The following RBM17 variants were observed in gnomAD, a reference collection of about 807,000 sequenced individuals.
RBM17 encodes RNA binding motif protein 17, also known as splicing factor 45.
In RBM17, 7 loss-of-function variants were observed where a neutral mutation model predicts 53.2. That is an observed-to-expected ratio of 0.13 (90% confidence interval 0.07 to 0.25). The LOEUF is 0.25. Among genes scored for constraint, RBM17 ranks in the 10% least tolerant of loss-of-function variants. RBM17 has a pLI of 1.00. For missense variants in RBM17, 257 were observed against 496.7 expected (o/e 0.52, Z 4.59); for synonymous variants, 167 against 178.1 (o/e 0.94, Z 0.50).
intron 10 of RBM17, 148 bp from the exon 11 acceptor site, chr10:6,115,091 A>C: frequency 1.5e-6 from 1 of 673,518 alleles, no homozygotes; most frequent in Non-Finnish European, 2.5e-6. Flanking sequence ...ATGATGAACA[A>C]ATTATACTTA....
intron 2 of RBM17, among the ~76,000 whole-genome samples, chr10:6,100,211 T>C (rs1189003992): frequency 2.0e-5 from 3 of 152,252 alleles, no homozygotes; most frequent in African/African-American, 7.2e-5. Flanking sequence ...TTTGTGCCTT[T>C]TATAGTGGTA....
chr10:6,093,946 A>G (rs1840528492), intron 1 of RBM17, among the ~76,000 whole-genome samples: 1 of 150,432 alleles, frequency 6.6e-6, no homozygotes, highest in Admixed American at 6.6e-5. Context: ...ACTGTGACCC[A>G]TCACATGAAG....
chr10:6,115,782 CTTT>C lies in RBM17; in HGVS notation c.*230_*232del, dbSNP rs983990178. ...TCTGTGTGCCTCTCTGGTTGTTTCT[CTTT>C]TTTATTATTACTCCTGAGTTGATGA... On this transcript the variant is annotated 3_prime_UTR_variant, in exon 12 of 12. Transcript: ENST00000379888. 5 of 341,820 alleles carry C rather than the reference CTTT, an allele frequency of 1.5e-5. No homozygotes were observed. Among genetic ancestry groups the C allele is most frequent in the African/African-American group, 6.6e-5 (3 of 45,424 alleles). 21.2% of individuals were successfully genotyped at this position (341,820 alleles called of 1,614,324 possible). A position where few individuals can be genotyped will look rare whatever the true frequency, so the allele number is the denominator to read the frequency against.
chr10:6,115,414 T>TAA (rs1256334687), intron 11 of RBM17, 39 bp from the exon 12 acceptor site: 2 of 1,539,336 alleles, frequency 1.3e-6, no homozygotes, highest in African/African-American at 2.7e-5. Flanking sequence ...CTTTATCTTA[T>TAA]AGGATACCTG....
chr10:6,104,900 G>C, intron 3 of RBM17, 31 bp from the exon 4 acceptor site: 1 of 1,599,050 alleles, frequency 6.3e-7, no homozygotes. Flanking sequence ...GATATAAAGA[G>C]GATTCTTACT....
At chr10:6,096,857 A>G (rs1840584564) in intron 1 of RBM17, 191 bp from the exon 2 acceptor site, 1 of 370,930 alleles carries the variant, frequency 2.7e-6, no homozygotes, top group Non-Finnish European at 4.9e-6. Flanking sequence ...TTAGAGGCTT[A>G]TTTTAAAAAT....
At chr10:6,107,476 C>T (rs1032256203) in intron 5 of RBM17, among the ~76,000 whole-genome samples, 6 of 38,724 alleles carry the variant, frequency 1.5e-4, no homozygotes, top group Admixed American at 2.9e-4. Flanking sequence ...CTGCACCCGG[C>T]CTCTTTTTTT....
rs1315280061 is a variant in RBM17, at chr10:6,116,793, T to A, written c.*1237T>A. On this transcript the variant is annotated 3_prime_UTR_variant, in exon 12 of 12. Transcript: ENST00000379888. ...TGACCCTTTTTAAAAAAGGATTTTC[T>A]CATGTTTTTATTTAACATAAATAAA... The A allele has an allele frequency of 6.6e-6, 1 of 152,396 alleles. No homozygotes were observed. Among genetic ancestry groups the A allele is most frequent in the Non-Finnish European group, 1.5e-5 (1 of 68,042 alleles). 9.4% of individuals were successfully genotyped at this position (152,396 alleles called of 1,614,324 possible). A position where few individuals can be genotyped will look rare whatever the true frequency, so the allele number is the denominator to read the frequency against.
At chr10:6,108,638 G>T in intron 5 of RBM17, 48 bp from the exon 6 acceptor site, 2 of 1,496,150 alleles carry the variant, frequency 1.3e-6, no homozygotes, top group East Asian at 4.5e-5. Context: ...TCGTTTGGGA[G>T]TCTGGCATCG....
At chr10:6,114,223 C>A in intron 10 of RBM17, 76 bp downstream of exon 10, 1 of 831,944 alleles carries the variant, frequency 1.2e-6, no homozygotes, top group Non-Finnish European at 2.0e-6. Context: ...ACAAACAGGA[C>A]AGGGTATGCT....
At chr10:6,111,589 C>T (rs1840838287) in intron 7 of RBM17, among the ~76,000 whole-genome samples, 1 of 152,224 alleles carries the variant, frequency 6.6e-6, no homozygotes, top group Admixed American at 6.5e-5. Flanking sequence ...ATCCACCCGC[C>T]TCGGCTTCCC....
At chr10:6,100,174 T>TTA (rs1176206791) in intron 2 of RBM17, among the ~76,000 whole-genome samples, 1 of 152,256 alleles carries the variant, frequency 6.6e-6, no homozygotes, top group Non-Finnish European at 1.5e-5. Context: ...ATAAGTATTG[T>TTA]TATATTCAAG....
At chr10:6,113,395 G>A in intron 8 of RBM17, 113 bp from the exon 9 acceptor site, 2 of 717,158 alleles carry the variant, frequency 2.8e-6, no homozygotes, top group Non-Finnish European at 4.8e-6. Context: ...CATAAATGGT[G>A]GGGATCGCTA....
At chr10:6,093,163 C>T (rs984563685) in intron 1 of RBM17, among the ~76,000 whole-genome samples, 6 of 152,154 alleles carry the variant, frequency 3.9e-5, no homozygotes, top group Non-Finnish European at 7.3e-5. Context: ...GCCTCCCTCT[C>T]TGGGGGTTAC....
intron 1 of RBM17, among the ~76,000 whole-genome samples, chr10:6,091,560 T>C (rs1002176553): frequency 5.9e-5 from 9 of 152,242 alleles, no homozygotes; most frequent in Non-Finnish European, 8.8e-5. Flanking sequence ...ATCCTACTTA[T>C]CATAAGTTAT....
chr10:6,093,850 A>G (rs1201833838), intron 1 of RBM17, among the ~76,000 whole-genome samples: 1 of 152,124 alleles, frequency 6.6e-6, no homozygotes, highest in African/African-American at 2.4e-5. Flanking sequence ...TGCTTCATAT[A>G]TACTTTCTAC....
intron 6 of RBM17, among the ~76,000 whole-genome samples, chr10:6,109,691 A>C (rs1237552789): frequency 6.6e-6 from 1 of 152,270 alleles, no homozygotes; most frequent in Non-Finnish European, 1.5e-5. Flanking sequence ...CTTTCCGGCA[A>C]GAATATTCAT....
chr10:6,105,178 T>C (rs1486265485), intron 4 of RBM17, 81 bp downstream of exon 4: 10 of 1,327,646 alleles, frequency 7.5e-6, no homozygotes, highest in East Asian at 7.4e-5. Context: ...CGCTGCTGTC[T>C]GTAAGGCTGA....
intron 2 of RBM17, among the ~76,000 whole-genome samples, chr10:6,097,659 A>G (rs1840596071): frequency 6.6e-6 from 1 of 152,212 alleles, no homozygotes; most frequent in Non-Finnish European, 1.5e-5. Context: ...CGACAGAGCA[A>G]GACTCCGATT....
Sources: gnomAD v4.1 joint callset for allele counts (sites outside exome capture counted in the v4.1 genomes callset) on GRCh38, gnomAD v4.1.1 for gene constraint, MANE v1.5 for transcripts, NCBI Gene and HGNC (gene_info 2026-07-23, HGNC 2026-07-21) for gene names.